The following SMC3 variants were observed in gnomAD, a reference collection of about 807,000 sequenced individuals.
The protein encoded by SMC3 is structural maintenance of chromosomes protein 3.
Under a neutral mutation model 171.8 loss-of-function variants are expected in SMC3, and 20 were observed. The observed-to-expected ratio is 0.12, with a 90% CI of 0.08 to 0.17. SMC3 has a LOEUF of 0.17. Ranked by LOEUF, SMC3 falls within the 10% of genes least tolerant of loss-of-function variation. The pLI is 1.00. For synonymous variants in SMC3, 464 were observed against 451.1 expected, an observed-to-expected ratio of 1.03 and a Z score of -0.36; for missense variants, 543 against 1,420.4, an observed-to-expected ratio of 0.38 and a Z score of 9.93.
chr10:110,577,396 A>C, intron 4 of SMC3, 25 bp from the exon 5 acceptor site: 3 of 1,573,420 alleles, frequency 1.9e-6, no homozygotes, highest in Non-Finnish European at 1.7e-6. Flanking sequence ...TTAAATGGCA[A>C]ATTTCTCACT....
chr10:110,603,113 A>G, intron 27 of SMC3, 71 bp from the exon 28 acceptor site: 1 of 1,523,930 alleles, frequency 6.6e-7, no homozygotes, highest in Non-Finnish European at 9.1e-7. Context: ...AGTAAGAGTA[A>G]AGATAGTTGC....
At chr10:110,591,317 A>G (rs565721700) in intron 17 of SMC3, among the ~76,000 whole-genome samples, 185 bp downstream of exon 17, 2 of 152,244 alleles carry the variant, frequency 1.3e-5, no homozygotes, top group African/African-American at 2.4e-5. Flanking sequence ...AGTCACAGCT[A>G]TGATTGGTGT....
At chr10:110,581,862 G>A (rs1030131669) in intron 8 of SMC3, 61 bp from the exon 9 acceptor site, 18 of 1,301,148 alleles carry the variant, frequency 1.4e-5, no homozygotes, top group African/African-American at 8.8e-5. Context: ...GTATATTTAA[G>A]AAGTGATATT....
At position 110,600,465 on chromosome 10, in the gene SMC3, A is replaced by T; in HGVS notation, c.2454A>T (p.Arg818Ser). Residue 818 changes from arginine (R) to serine (S), a missense_variant, in exon 22 of 29, where the codon AGA becomes AGT. Physicochemically the swap from Arg to Ser is moderately radical, Grantham distance 110 (BLOSUM62 -1). Around this residue, in one of 8 missense-constraint regions of SMC3, gnomAD observed 218 missense variants for 509.6 expected, o/e 0.43. Coordinates refer to ENST00000361804, the MANE Select transcript of SMC3 (RefSeq NM_005445.4). ...AAAACAGACAGTTGCTAAATGAAAGAATTAAATTAGAAGGTATTATTACTC... is the reference window on the plus strand; with the variant it reads ...AAAACAGACAGTTGCTAAATGAAAGTATTAAATTAGAAGGTATTATTACTC... ...QQENRQLLNE[R>S]IKLEGIITRV... 6.3e-7 allele frequency: 1 copy of T among 1,580,238 alleles called. No individual in the cohort carries two copies.
At chr10:110,582,703 C>CT in intron 10 of SMC3, 61 bp downstream of exon 10, 2 of 1,297,304 alleles carry the variant, frequency 1.5e-6, no homozygotes, top group Non-Finnish European at 2.2e-6. Context: ...GGGTCTTGTT[C>CT]TGTCATCCAG....
chr10:110,572,119 T>C (rs1471929579), intron 2 of SMC3, among the ~76,000 whole-genome samples: 1 of 152,246 alleles, frequency 6.6e-6, no homozygotes, highest in Non-Finnish European at 1.5e-5. Flanking sequence ...ATAAACCCTT[T>C]ACCTAGATTC....
At chr10:110,583,690 C>A in intron 11 of SMC3, 142 bp downstream of exon 11, 3 of 1,169,656 alleles carry the variant, frequency 2.6e-6, no homozygotes, top group Non-Finnish European at 3.8e-6. Context: ...CAAGTAACAA[C>A]TTGGTACTGT....
intron 1 of SMC3, 88 bp downstream of exon 1, chr10:110,567,919 T>TA: frequency 7.7e-7 from 1 of 1,295,674 alleles, no homozygotes; most frequent in Non-Finnish European, 1.1e-6. Flanking sequence ...CCGCAGCCTC[T>TA]CCCCTGTCTC....
chr10:110,568,824 A>T, intron 1 of SMC3, 114 bp from the exon 2 acceptor site: 1 of 658,552 alleles, frequency 1.5e-6, no homozygotes, highest in Non-Finnish European at 2.7e-6. Context: ...TTTTTCTTAT[A>T]TGAAATTTCG....
At chr10:110,599,919 T>C in intron 21 of SMC3, 107 bp downstream of exon 21, 4 of 1,080,696 alleles carry the variant, frequency 3.7e-6, no homozygotes, top group Non-Finnish European at 5.6e-6. Flanking sequence ...TGAGAAAATA[T>C]TAAAATGAGG....
rs1861180256 is a variant in SMC3 at position 110,589,878 on chromosome 10, T to C, written c.1410-14T>C. ...GTGTTTAAAATTAAAGACAGTCTAC[T>C]TTTTATTTATTAGCTACTTGTGGAG... On this transcript the variant is annotated splice_polypyrimidine_tract_variant and intron_variant, in intron 14 of 28. Transcript: ENST00000361804. 6.2e-7 allele frequency: 1 copy of C among 1,610,470 alleles called. No individual in the cohort carries two copies. The highest frequency in any genetic ancestry group is 8.5e-7 in the Non-Finnish European group (1 of 1,176,916).
Position 110,600,658 on chromosome 10 carries a change from CT to C in SMC3, c.2535+114del, listed in dbSNP as rs1861372536. On this transcript the variant is annotated intron_variant, in intron 22 of 28. Coordinates refer to ENST00000361804, the MANE Select transcript of SMC3 (RefSeq NM_005445.4). Reference sequence around the variant, plus strand: ...AAGCATGGGCTTTGGGGACAGAAAGCTTAGTGTCTTGTGGGCCTTGGGTTGG... The same window carrying C: ...AAGCATGGGCTTTGGGGACAGAAAGCTAGTGTCTTGTGGGCCTTGGGTTGG... 6.9e-5 allele frequency: 49 copies of C among 713,052 alleles called. 1 individual carries two copies. The South Asian group carries it at 7.4e-4, about 11-fold the overall frequency. The allele number at this position is 713,052 out of a possible 1,614,324, so 44.2% of individuals were successfully genotyped here.
intron 2 of SMC3, among the ~76,000 whole-genome samples, chr10:110,570,963 A>C (rs1275562838): frequency 6.6e-6 from 1 of 152,240 alleles, no homozygotes; most frequent in East Asian, 1.9e-4. Context: ...TACCACTTTG[A>C]TTGATGAATG....
chr10:110,573,752 G>A lies in SMC3; in HGVS notation c.130+7G>A. Reference sequence around the variant, plus strand: ...AAAAGTAACTTTTTTTATGGTAGGTGTTGCTTTTTGAATTGTAAATATATT... The same window carrying A: ...AAAAGTAACTTTTTTTATGGTAGGTATTGCTTTTTGAATTGTAAATATATT... On this transcript the variant is annotated splice_region_variant and intron_variant, in intron 3 of 28. Transcript: ENST00000361804. The A allele has an allele frequency of 6.3e-7, 1 of 1,581,320 alleles. No individual in the cohort carries two copies. The highest frequency in any genetic ancestry group is 8.7e-7 in the Non-Finnish European group (1 of 1,150,974).
chr10:110,587,007 G>A (rs1431904935), intron 13 of SMC3, among the ~76,000 whole-genome samples: 1 of 152,178 alleles, frequency 6.6e-6, no homozygotes, highest in Non-Finnish European at 1.5e-5. Context: ...TTTCCACAGT[G>A]TATTTTTAAA....
intron 20 of SMC3, among the ~76,000 whole-genome samples, chr10:110,598,556 G>A (rs1044635726): frequency 1.1e-4 from 17 of 152,028 alleles, no homozygotes; most frequent in African/African-American, 3.9e-4. Flanking sequence ...ACAGACATAC[G>A]CCACCACATC....
Position 110,567,781 on chromosome 10 carries a change from G to A in SMC3, c.-36G>A. Reference sequence around the variant, plus strand: ...CCTGCGGCCGTGCGGTTGCTGCTCCGGGGCAGGTCTCCTTCCAGGCCAGGG... The same window carrying A: ...CCTGCGGCCGTGCGGTTGCTGCTCCAGGGCAGGTCTCCTTCCAGGCCAGGG... On this transcript the variant is annotated 5_prime_UTR_variant, in exon 1 of 29. Transcript: ENST00000361804. The A allele has an allele frequency of 6.2e-7, 1 of 1,613,232 alleles. No homozygotes were observed. The highest frequency in any genetic ancestry group is 8.5e-7 in the Non-Finnish European group (1 of 1,179,686).
At chr10:110,592,591 A>G (rs7913665) in intron 17 of SMC3, among the ~76,000 whole-genome samples, 13,931 of 152,258 alleles carry the variant, frequency 0.091, 1,103 homozygotes, top group African/African-American at 0.22. Flanking sequence ...GATATATAAA[A>G]TATGTAAAAT....
chr10:110,602,191 T>G lies in SMC3; in HGVS notation c.3105+13T>G, dbSNP rs773752261. 3.7e-6 allele frequency: 6 copies of G among 1,605,646 alleles called. No homozygotes were observed. Among genetic ancestry groups the G allele is most frequent in the Non-Finnish European group, 5.1e-6 (6 of 1,172,790 alleles). ...AACTTTCAAACAGGTATGTTTCGCT[T>G]TGTAGTTAAAACATACACACAGAGG... On this transcript the variant is annotated intron_variant, in intron 25 of 28. Coordinates refer to ENST00000361804, the MANE Select transcript of SMC3 (RefSeq NM_005445.4).
Sources: allele counts gnomAD v4.1 joint callset (sites outside exome capture counted in the v4.1 genomes callset), GRCh38; gene constraint gnomAD v4.1.1; regional missense constraint gnomAD v4.1.1; transcripts MANE v1.5; gene names NCBI Gene and HGNC (gene_info 2026-07-23, HGNC 2026-07-21).